The following ICA1L variants were observed in gnomAD, a reference collection of about 807,000 sequenced individuals.
The protein encoded by ICA1L is islet cell autoantigen 1-like protein.
A neutral mutation model predicts 61.3 loss-of-function variants in ICA1L; 50 were observed. The ratio of observed to expected loss-of-function variants is 0.82; its 90% CI spans 0.65 to 1.03. The LOEUF is 1.03. ICA1L is among the 50% of genes least tolerant of loss of function. The pLI is 0.00. For missense variants in ICA1L, 508 were observed against 556.7 expected (o/e 0.91, Z 0.88); for synonymous variants, 161 against 191.3 (o/e 0.84, Z 1.31).
At position 202,789,098 on chromosome 2, in the gene ICA1L, TAAA is replaced by T; in HGVS notation, c.986-14_986-12del. ...GTAGATCTTTTGCAACTATTGAGTG[TAAA>T]TAAAAACAGAAAGGCTTTTTTGATT... On this transcript the variant is annotated splice_polypyrimidine_tract_variant and intron_variant, in intron 10 of 12. Transcript: ENST00000358299. 6.3e-7 allele frequency: 1 copy of T among 1,588,224 alleles called. No homozygotes were observed. Among genetic ancestry groups the T allele is most frequent in the Non-Finnish European group, 8.5e-7 (1 of 1,171,324 alleles).
intron 9 of ICA1L, 140 bp downstream of exon 9, chr2:202,811,606 G>A (rs932787901): frequency 8.6e-6 from 5 of 578,246 alleles, no homozygotes; most frequent in Non-Finnish European, 1.5e-5. Context: ...AGCTTGCAGT[G>A]AGCCAAGATC....
intron 1 of ICA1L, among the ~76,000 whole-genome samples, chr2:202,866,880 G>A (rs1005627875): frequency 2.4e-4 from 36 of 152,142 alleles, no homozygotes; most frequent in African/African-American, 8.7e-4. Flanking sequence ...CTAGGAGGCA[G>A]AGGTTGCAGT....
At chr2:202,851,853 G>A (rs190755046) in intron 1 of ICA1L, among the ~76,000 whole-genome samples, 147 of 152,186 alleles carry the variant, frequency 9.7e-4, no homozygotes, top group African/African-American at 3.3e-3. Flanking sequence ...CTTTGTGATG[G>A]GGTTTTTTTT....
chr2:202,791,821 G>C (rs1308250559), intron 10 of ICA1L, among the ~76,000 whole-genome samples: 7 of 152,100 alleles, frequency 4.6e-5, no homozygotes, highest in Non-Finnish European at 7.4e-5. Flanking sequence ...CTCAAGCCTG[G>C]GCAACAAGAG....
At chr2:202,856,257 A>G (rs1379325017) in intron 1 of ICA1L, among the ~76,000 whole-genome samples, 19 of 152,196 alleles carry the variant, frequency 1.2e-4, no homozygotes, top group Non-Finnish European at 2.9e-5. Flanking sequence ...TGAATCCAGC[A>G]GCATATCAAA....
intron 10 of ICA1L, among the ~76,000 whole-genome samples, chr2:202,790,966 G>A (rs1008847753): frequency 1.3e-5 from 2 of 152,192 alleles, no homozygotes; most frequent in African/African-American, 4.8e-5. Context: ...CAAAGTCACT[G>A]ACTTCATTTG....
chr2:202,798,230 G>A (rs879541263), intron 9 of ICA1L, among the ~76,000 whole-genome samples: 2 of 151,972 alleles, frequency 1.3e-5, no homozygotes, highest in African/African-American at 2.4e-5. Flanking sequence ...TTAAGGATAT[G>A]CTTTACTTTT....
chr2:202,867,688 C>T (rs755551462), intron 1 of ICA1L, among the ~76,000 whole-genome samples: 1 of 152,084 alleles, frequency 6.6e-6, no homozygotes, highest in African/African-American at 2.4e-5. Context: ...ATCAGCACAC[C>T]CCCATTTGAT....
At chr2:202,846,858 T>A (rs72934714) in intron 1 of ICA1L, among the ~76,000 whole-genome samples, 13,558 of 152,282 alleles carry the variant, frequency 0.089, 743 homozygotes, top group Non-Finnish European at 0.12. Flanking sequence ...GAAGTTAAAA[T>A]AGTTATTACA....
intron 1 of ICA1L, among the ~76,000 whole-genome samples, chr2:202,852,383 C>T (rs374208137): frequency 7.5e-4 from 114 of 152,144 alleles, no homozygotes; most frequent in African/African-American, 2.6e-3. Context: ...AAAGTGCTCC[C>T]ATTTCAGCCG....
At chr2:202,861,589 T>G (rs1436637372) in intron 1 of ICA1L, among the ~76,000 whole-genome samples, 1 of 151,736 alleles carries the variant, frequency 6.6e-6, no homozygotes, top group East Asian at 1.9e-4. Flanking sequence ...AAGTAGACAT[T>G]TTTTTAAAAA....
intron 1 of ICA1L, among the ~76,000 whole-genome samples, chr2:202,864,087 T>A (rs906768140): frequency 6.6e-6 from 1 of 152,168 alleles, no homozygotes; most frequent in Non-Finnish European, 1.5e-5. Flanking sequence ...CAGAACCAGA[T>A]GGCTTCACTG....
At chr2:202,807,127 C>T (rs545154849) in intron 9 of ICA1L, among the ~76,000 whole-genome samples, 6 of 152,194 alleles carry the variant, frequency 3.9e-5, no homozygotes, top group Non-Finnish European at 8.8e-5. Flanking sequence ...ATTATCCATA[C>T]AAGAAAGAAC....
At chr2:202,805,677 C>T (rs1019290471) in intron 9 of ICA1L, among the ~76,000 whole-genome samples, 2 of 151,534 alleles carry the variant, frequency 1.3e-5, no homozygotes, top group African/African-American at 4.9e-5. Flanking sequence ...ATTAACAAAG[C>T]CAAAAGTTGG....
At chr2:202,836,407 G>C (rs1019506541) in intron 1 of ICA1L, among the ~76,000 whole-genome samples, 4 of 152,136 alleles carry the variant, frequency 2.6e-5, no homozygotes, top group African/African-American at 9.7e-5. Flanking sequence ...GTTGAATTTG[G>C]TTTGCTAGTA....
At chr2:202,860,237 A>C (rs1324807284) in intron 1 of ICA1L, 1 of 150,648 alleles carries the variant, frequency 6.6e-6, no homozygotes, top group Non-Finnish European at 1.5e-5. Flanking sequence ...ATGCCACTGC[A>C]CTCCAGCCTG....
rs377726248 is a variant in ICA1L, at chr2:202,832,079, A to G, written c.-7-3063T>C. On this transcript the variant is annotated intron_variant, in intron 1 of 12. Coordinates refer to ENST00000358299, the MANE Select transcript of ICA1L (RefSeq NM_001288622.3). ...AGAAAATCAGCCATTGAAAGAGGAA[A>G]TAACTAAGTGAAGATTTCAGCACTA... 9.4e-4 allele frequency among the ~76,000 whole-genome samples: 143 copies of G among 152,320 alleles called. 2 individuals are homozygous for G. The South Asian group carries it at 0.029, about 31-fold the overall frequency.
At chr2:202,865,152 G>A (rs1687454584) in intron 1 of ICA1L, among the ~76,000 whole-genome samples, 1 of 150,818 alleles carries the variant, frequency 6.6e-6, no homozygotes. Flanking sequence ...GACAGGGTGA[G>A]ACTCTGTCTT....
At chr2:202,833,430 G>A (rs1694064964) in intron 1 of ICA1L, among the ~76,000 whole-genome samples, 1 of 151,844 alleles carries the variant, frequency 6.6e-6, no homozygotes, top group South Asian at 2.1e-4. Context: ...AAAAATAAAA[G>A]AAACATTAGC....
Sources: gnomAD v4.1 joint callset for allele counts (sites outside exome capture counted in the v4.1 genomes callset) on GRCh38, gnomAD v4.1.1 for gene constraint, MANE v1.5 for transcripts, NCBI Gene and HGNC (gene_info 2026-07-23, HGNC 2026-07-21) for gene names.